Variants in AUTS2 observed in about 807,000 individuals in gnomAD.
AUTS2 encodes the protein autism susceptibility gene 2 protein.
Under a neutral mutation model 112.4 loss-of-function variants are expected in AUTS2, and 17 were observed. That is an observed-to-expected ratio of 0.15 (90% CI 0.10 to 0.23). The LOEUF is 0.23. Ranked by LOEUF, AUTS2 falls within the 10% of genes least tolerant of loss-of-function variation. The probability of loss-of-function intolerance (pLI) is 1.00; values close to 1 mark genes in which losing one functional copy is unlikely to be tolerated. For missense variants in AUTS2, 1,510 were observed against 1,701.6 expected (o/e 0.89, Z 1.98); for synonymous variants, 751 against 702.7 (o/e 1.07, Z -1.09).
intron 5 of AUTS2, among the ~76,000 whole-genome samples, chr7:70,689,446 T>C (rs1260145668): frequency 4.6e-5 from 7 of 151,974 alleles, no homozygotes; most frequent in Admixed American, 2.6e-4. Context: ...GTTCTGACCC[T>C]GTCTGGAGGG....
chr7:70,129,449 C>T (rs1252075747), intron 3 of AUTS2, among the ~76,000 whole-genome samples: 1 of 152,132 alleles, frequency 6.6e-6, no homozygotes, highest in African/African-American at 2.4e-5. Context: ...CACAGAAACA[C>T]CCAGAATCAT....
rs2129067571 is a variant in AUTS2, at chr7:69,599,898, C to T, written c.245C>T (p.Ser82Leu). The T allele has an allele frequency of 1.9e-6, 3 of 1,613,594 alleles. No individual in the cohort carries two copies. The highest frequency in any genetic ancestry group is 2.2e-5 in the East Asian group (1 of 44,864). ...PPRRKRRESTSAEEDIIDGFA... is the reference protein window; with the variant it reads ...PPRRKRRESTLAEEDIIDGFA... ...CGGAGGAAGCGGAGAGAGTCCACCT[C>T]GGCAGAAGAGGACATCATTGATGGA... Residue 82 changes from serine (S) to leucine (L), a missense_variant, in exon 1 of 19, where the codon TCG (serine) becomes TTG (leucine). Physicochemically the swap from Ser to Leu is moderately radical, Grantham distance 145. Coordinates refer to ENST00000342771, the MANE Select transcript of AUTS2 (RefSeq NM_015570.4). The surrounding 1 kb of genome is among the most constrained non-coding windows in gnomAD (Gnocchi z 7.0).
At chr7:70,427,954 G>A (rs1225143515) in intron 4 of AUTS2, among the ~76,000 whole-genome samples, 2 of 152,144 alleles carry the variant, frequency 1.3e-5, no homozygotes, top group Non-Finnish European at 2.9e-5. Context: ...AAGATTGGTG[G>A]ACCTCATATT....
chr7:70,039,565 G>T (rs943480481), intron 2 of AUTS2, among the ~76,000 whole-genome samples: 2 of 152,058 alleles, frequency 1.3e-5, no homozygotes, highest in South Asian at 4.2e-4. Flanking sequence ...TGGCCAGGCT[G>T]GTCTCCAACT....
intron 4 of AUTS2, among the ~76,000 whole-genome samples, chr7:70,352,543 T>C (rs189428300): frequency 4.3e-4 from 65 of 152,206 alleles, no homozygotes; most frequent in African/African-American, 1.5e-3. Flanking sequence ...TCTTTATTGG[T>C]GTTCCTTGTC....
intron 5 of AUTS2, among the ~76,000 whole-genome samples, chr7:70,586,128 G>A (rs1802677560): frequency 1.3e-5 from 2 of 152,118 alleles, no homozygotes; most frequent in African/African-American, 4.8e-5. Flanking sequence ...CTCCCAAAGT[G>A]CTGGGATTAC....
At chr7:70,593,416 T>C (rs1211998757) in intron 5 of AUTS2, among the ~76,000 whole-genome samples, 2 of 152,150 alleles carry the variant, frequency 1.3e-5, no homozygotes, top group African/African-American at 4.8e-5. Context: ...CTCAGTGACA[T>C]AAAGACTGGG....
intron 2 of AUTS2, among the ~76,000 whole-genome samples, chr7:70,020,013 T>C (rs529881791): frequency 7.2e-5 from 11 of 152,278 alleles, no homozygotes; most frequent in African/African-American, 2.2e-4. Context: ...CCAAGATAGA[T>C]AGGGGAGAAA....
rs551482988 is a variant in AUTS2 at position 69,740,750 on chromosome 7, G to A, written c.309+140788G>A. ...CATGTTAGGCTGGTCTCAAACCCCT[G>A]ACCTTAGGTAATCTGCCCGCCTCGG... is the stretch of plus-strand genomic sequence containing the variant. On this transcript the variant is annotated intron_variant, in intron 1 of 18. Transcript: ENST00000342771. Among the ~76,000 whole-genome samples the A allele has an allele frequency of 1.5e-3, 221 of 152,192 alleles. 1 individual carries two copies. The highest frequency in any genetic ancestry group is 4.5e-3 in the African/African-American group (185 of 41,520).
intron 1 of AUTS2, among the ~76,000 whole-genome samples, chr7:69,787,746 C>T (rs1047779068): frequency 6.6e-6 from 1 of 152,022 alleles, no homozygotes; most frequent in African/African-American, 2.4e-5. Context: ...TTAGTTTCCC[C>T]CAACTTTACT....
chr7:70,131,880 C>T (rs1327443770), intron 3 of AUTS2, among the ~76,000 whole-genome samples: 3 of 151,716 alleles, frequency 2.0e-5, no homozygotes, highest in Admixed American at 6.6e-5. Flanking sequence ...GGTGACCAGG[C>T]GTAATATCTC....
chr7:69,688,613 C>T (rs1450623095), intron 1 of AUTS2, among the ~76,000 whole-genome samples: 2 of 152,052 alleles, frequency 1.3e-5, no homozygotes, highest in African/African-American at 4.8e-5. Flanking sequence ...AAACATTTAT[C>T]ATTTCTTTTT....
intron 1 of AUTS2, among the ~76,000 whole-genome samples, chr7:69,626,213 A>G (rs968575541): frequency 8.5e-5 from 13 of 152,338 alleles, no homozygotes; most frequent in East Asian, 1.9e-4. Context: ...GTGTCTTCCA[A>G]CTGACTGTGG....
chr7:70,043,577 C>T, intron 2 of AUTS2, among the ~76,000 whole-genome samples: 1 of 114,424 alleles, frequency 8.7e-6, no homozygotes, highest in Non-Finnish European at 1.7e-5. Context: ...TCCTTCCTTC[C>T]TTCCTTCCTT....
chr7:70,392,358 A>T (rs1793903744), intron 4 of AUTS2, among the ~76,000 whole-genome samples: 1 of 152,146 alleles, frequency 6.6e-6, no homozygotes, highest in Non-Finnish European at 1.5e-5. Context: ...TGTGCTTCAG[A>T]ATATTTTAGA....
chr7:70,017,742 GT>G (rs1350999988), intron 2 of AUTS2, among the ~76,000 whole-genome samples: 6 of 151,956 alleles, frequency 3.9e-5, no homozygotes, highest in Non-Finnish European at 8.8e-5. Flanking sequence ...GAAAGTAGTT[GT>G]TAGAATTAAA....
chr7:69,887,437 A>G (rs1478619682), intron 1 of AUTS2, among the ~76,000 whole-genome samples: 10 of 150,642 alleles, frequency 6.6e-5, no homozygotes, highest in Non-Finnish European at 3.0e-5. Flanking sequence ...AAAAAAAAGT[A>G]ATGGAAACTC....
intron 1 of AUTS2, among the ~76,000 whole-genome samples, chr7:69,605,172 G>A (rs1367113123): frequency 6.6e-6 from 1 of 152,180 alleles, no homozygotes; most frequent in Non-Finnish European, 1.5e-5. Flanking sequence ...ATCCAAAAAA[G>A]TCCCTCCAGA....
chr7:70,383,266 C>T (rs1348973347), intron 4 of AUTS2, among the ~76,000 whole-genome samples: 2 of 152,068 alleles, frequency 1.3e-5, no homozygotes, highest in Non-Finnish European at 2.9e-5. Flanking sequence ...AGTGAGCAGT[C>T]TGTCATGGTC....
Sources: gnomAD v4.1 joint callset for allele counts (sites outside exome capture counted in the v4.1 genomes callset) on GRCh38, gnomAD v4.1.1 for gene constraint, Gnocchi (gnomAD v3.1) non-coding constraint, MANE v1.5 for transcripts, NCBI Gene and HGNC (gene_info 2026-07-23, HGNC 2026-07-21) for gene names.